Variants in PAPPA2 observed in about 807,000 individuals in gnomAD.
The protein encoded by PAPPA2 is pappalysin-2.
Under a neutral mutation model 176.4 loss-of-function variants are expected in PAPPA2, and 86 were observed. That is an observed-to-expected ratio of 0.49 (90% CI 0.41 to 0.58). The LOEUF is 0.58. Among genes scored for constraint, PAPPA2 ranks in the 20% least tolerant of loss-of-function variants. The pLI, the probability that PAPPA2 is intolerant of heterozygous loss-of-function variation, is 0.00. For synonymous variants in PAPPA2, 809 were observed against 852.2 expected (o/e 0.95, Z 0.88); for missense variants, 2,073 against 2,256.9 (o/e 0.92, Z 1.65).
intron 1 of PAPPA2, among the ~76,000 whole-genome samples, chr1:176,507,187 T>C (rs191156542): frequency 1.1e-4 from 16 of 151,772 alleles, no homozygotes; most frequent in African/African-American, 3.9e-4. Context: ...ACATAAAAAA[T>C]GCTTCATGTC....
At chr1:176,512,473 C>T (rs1648665009) in intron 1 of PAPPA2, among the ~76,000 whole-genome samples, 1 of 152,056 alleles carries the variant, frequency 6.6e-6, no homozygotes, top group African/African-American at 2.4e-5. Flanking sequence ...GTAAAAGAAG[C>T]TAGCCAAGTA....
At chr1:176,639,339 C>G (rs1053388756) in intron 3 of PAPPA2, among the ~76,000 whole-genome samples, 2 of 152,066 alleles carry the variant, frequency 1.3e-5, no homozygotes, top group Non-Finnish European at 2.9e-5. Context: ...TTTGAAAGGC[C>G]TGTTGCTTTA....
chr1:176,692,451 T>G, intron 6 of PAPPA2, 133 bp downstream of exon 6: 1 of 850,536 alleles, frequency 1.2e-6, no homozygotes, highest in Non-Finnish European at 1.8e-6. Flanking sequence ...TCAGAGCTGC[T>G]GCTCCAGCCT....
intron 3 of PAPPA2, among the ~76,000 whole-genome samples, chr1:176,655,335 C>T (rs1158806003): frequency 2.0e-5 from 3 of 151,704 alleles, no homozygotes; most frequent in Non-Finnish European, 4.4e-5. Flanking sequence ...ATCGAACAGA[C>T]AACCTGCAGA....
chr1:176,653,839 C>T (rs1657883585), intron 3 of PAPPA2, among the ~76,000 whole-genome samples: 1 of 151,682 alleles, frequency 6.6e-6, no homozygotes, highest in Admixed American at 6.6e-5. Flanking sequence ...GGATAATTTT[C>T]TGTTCTTTTC....
At chr1:176,676,671 C>G (rs901789344) in intron 4 of PAPPA2, among the ~76,000 whole-genome samples, 1 of 151,854 alleles carries the variant, frequency 6.6e-6, no homozygotes, top group Non-Finnish European at 1.5e-5. Flanking sequence ...TAGAACAGTT[C>G]AGTATCTTGA....
At chr1:176,803,582 T>C (rs931767678) in intron 21 of PAPPA2, among the ~76,000 whole-genome samples, 2 of 152,092 alleles carry the variant, frequency 1.3e-5, no homozygotes, top group Admixed American at 1.3e-4. Flanking sequence ...ATTATATGAG[T>C]AGCTCTACTC....
At chr1:176,740,369 C>G (rs559291604) in intron 14 of PAPPA2, among the ~76,000 whole-genome samples, 173 bp downstream of exon 14, 3 of 152,250 alleles carry the variant, frequency 2.0e-5, no homozygotes, top group African/African-American at 7.2e-5. Flanking sequence ...GGAAGGCATA[C>G]TTGGGTTTTA....
intron 2 of PAPPA2, among the ~76,000 whole-genome samples, chr1:176,587,437 T>C (rs1012033282): frequency 3.3e-5 from 5 of 152,238 alleles, no homozygotes; most frequent in Non-Finnish European, 7.3e-5. Flanking sequence ...TACATTTAAG[T>C]CTTTAATCCA....
chr1:176,694,621 T>G (rs190956000), intron 6 of PAPPA2, among the ~76,000 whole-genome samples: 4 of 152,344 alleles, frequency 2.6e-5, no homozygotes, highest in African/African-American at 7.2e-5. Flanking sequence ...AGTGGGCTTC[T>G]AAAAAGATTC....
chr1:176,537,545 C>T (rs1380106858), intron 1 of PAPPA2, among the ~76,000 whole-genome samples: 1 of 152,288 alleles, frequency 6.6e-6, no homozygotes, highest in Non-Finnish European at 1.5e-5. Flanking sequence ...ATGTGCCTGG[C>T]GCATCAAAGA....
chr1:176,818,144 C>G (rs1371930566), intron 21 of PAPPA2, among the ~76,000 whole-genome samples: 2 of 152,064 alleles, frequency 1.3e-5, no homozygotes, highest in Non-Finnish European at 2.9e-5. Flanking sequence ...AGTTGGCCAG[C>G]ACAAGAAGTG....
At position 176,771,107 on chromosome 1, in the gene PAPPA2, G is replaced by A. The variant is rs759938345; in HGVS notation, c.4642G>A (p.Val1548Met). ...TCACTGCCTCCAGGACAACCACGACGTGGGCACCATCTGCAAATATGAATG... is the reference window on the plus strand; with the variant it reads ...TCACTGCCTCCAGGACAACCACGACATGGGCACCATCTGCAAATATGAATG... Reference protein sequence around the residue: ...LPHCLQDNHDVGTICKYECKP... With the variant: ...LPHCLQDNHDMGTICKYECKP... Residue 1548 changes from valine (V) to methionine (M), a missense_variant, in exon 17 of 23, where the codon GTG becomes ATG. Val to Met is a conservative substitution (Grantham distance 21). Coordinates refer to ENST00000367662, the MANE Select transcript of PAPPA2 (RefSeq NM_020318.3). 47 of 1,614,060 alleles carry A rather than the reference G, an allele frequency of 2.9e-5. No homozygotes were observed. Among genetic ancestry groups the A allele is most frequent in the Middle Eastern group, 3.3e-4 (2 of 6,084 alleles).
intron 17 of PAPPA2, among the ~76,000 whole-genome samples, chr1:176,785,226 A>G (rs1664884632): frequency 1.3e-5 from 2 of 152,212 alleles, no homozygotes; most frequent in Non-Finnish European, 2.9e-5. Flanking sequence ...AGCTCATAGC[A>G]CTGAAGTGCC....
At chr1:176,773,354 A>G (rs1240361739) in intron 17 of PAPPA2, among the ~76,000 whole-genome samples, 2 of 152,176 alleles carry the variant, frequency 1.3e-5, no homozygotes, top group East Asian at 3.9e-4. Flanking sequence ...GGTTCCTTGT[A>G]TGTGGAAAAA....
intron 4 of PAPPA2, among the ~76,000 whole-genome samples, chr1:176,677,475 CAAAG>C (rs1396185793): frequency 1.3e-5 from 2 of 152,160 alleles, no homozygotes; most frequent in Non-Finnish European, 2.9e-5. Flanking sequence ...TGTGTTAACA[CAAAG>C]AAAAATCTTT....
intron 16 of PAPPA2, among the ~76,000 whole-genome samples, chr1:176,770,400 G>A (rs1198344297): frequency 1.3e-5 from 2 of 152,164 alleles, no homozygotes; most frequent in South Asian, 4.1e-4. Flanking sequence ...ATGGTATAGT[G>A]TTTAAATACA....
At chr1:176,604,593 T>G (rs1654513159) in intron 3 of PAPPA2, among the ~76,000 whole-genome samples, 1 of 152,176 alleles carries the variant, frequency 6.6e-6, no homozygotes, top group African/African-American at 2.4e-5. Flanking sequence ...GTTGTGCAGT[T>G]AAAACAAAGA....
At chr1:176,586,542 G>A (rs1292579356) in intron 2 of PAPPA2, among the ~76,000 whole-genome samples, 1 of 152,110 alleles carries the variant, frequency 6.6e-6, no homozygotes, top group Non-Finnish European at 1.5e-5. Flanking sequence ...AACATGCGGT[G>A]TTTGGTTTTC....
Sources: gnomAD v4.1 joint callset for allele counts (sites outside exome capture counted in the v4.1 genomes callset) on GRCh38, gnomAD v4.1.1 for gene constraint, MANE v1.5 for transcripts, NCBI Gene and HGNC (gene_info 2026-07-23, HGNC 2026-07-21) for gene names.